Variants in RAD54B observed in about 807,000 individuals in gnomAD.
RAD54B encodes the protein DNA repair and recombination protein RAD54B.
In RAD54B, 78 loss-of-function variants were observed where a neutral mutation model predicts 95.8. That is an observed-to-expected ratio of 0.81 (90% CI 0.68 to 0.98). The LOEUF (loss-of-function observed/expected upper bound fraction) is 0.98, where lower values mean the gene tolerates loss of function less well. Among genes scored for constraint, RAD54B ranks in the 50% least tolerant of loss-of-function variants. The pLI is 0.00. For synonymous variants in RAD54B, 328 were observed against 354.9 expected (o/e 0.92, Z 0.85); for missense variants, 957 against 1,056.6 (o/e 0.91, Z 1.31).
intron 3 of RAD54B, among the ~76,000 whole-genome samples, chr8:94,450,683 G>A (rs747864570): frequency 2.6e-5 from 4 of 152,050 alleles, no homozygotes; most frequent in Non-Finnish European, 5.9e-5. Flanking sequence ...AGTTCGAGAC[G>A]AACCTGGCCA....
intron 1 of RAD54B, among the ~76,000 whole-genome samples, chr8:94,469,089 G>A (rs888093079): frequency 4.1e-5 from 6 of 146,202 alleles, no homozygotes; most frequent in African/African-American, 1.3e-4. Context: ...GCCCAAGAGA[G>A]CCCATCTCTT....
chr8:94,400,596 C>T, intron 6 of RAD54B, 133 bp from the exon 7 acceptor site: 2 of 663,178 alleles, frequency 3.0e-6, no homozygotes. Context: ...TGATTTACAA[C>T]ACATCTTTTG....
Position 94,458,519 on chromosome 8 carries a change from T to A in RAD54B, c.136-83A>T, listed in dbSNP as rs983474416. 25 of 1,068,978 alleles carry A rather than the reference T, an allele frequency of 2.3e-5. No homozygotes were observed. In the Middle Eastern group the frequency reaches 9.4e-4, roughly 40 times the overall value. 66.2% of individuals were successfully genotyped at this position (1,068,978 alleles called of 1,614,324 possible). A position where few individuals can be genotyped will look rare whatever the true frequency, so the allele number is the denominator to read the frequency against. On this transcript the variant is annotated intron_variant, in intron 2 of 14. Coordinates refer to ENST00000336148, the MANE Select transcript of RAD54B (RefSeq NM_012415.3). Reference sequence around the variant, plus strand: ...TGTATTTTTACATAAAAGATTCTAATTTAAAACAGGACATACTGGTTATAT... The same window carrying A: ...TGTATTTTTACATAAAAGATTCTAAATTAAAACAGGACATACTGGTTATAT...
At chr8:94,390,762 A>G (rs1171585930) in intron 10 of RAD54B, among the ~76,000 whole-genome samples, 1 of 151,918 alleles carries the variant, frequency 6.6e-6, no homozygotes, top group Non-Finnish European at 1.5e-5. Flanking sequence ...TATCCAAAAT[A>G]CTTGGGAACA....
intron 5 of RAD54B, among the ~76,000 whole-genome samples, chr8:94,404,610 T>C (rs746353624): frequency 6.6e-6 from 1 of 152,202 alleles, no homozygotes; most frequent in Non-Finnish European, 1.5e-5. Context: ...TTTGCCAAGA[T>C]GCATTTGCCA....
intron 3 of RAD54B, chr8:94,429,962 GC>G: frequency 1.0e-6 from 1 of 985,212 alleles, no homozygotes; most frequent in Non-Finnish European, 1.2e-6. Context: ...AATCAAATTA[GC>G]CCTCTAATTC....
chr8:94,467,314 G>A (rs546302030), intron 2 of RAD54B, 91 bp downstream of exon 2: 63 of 1,119,528 alleles, frequency 5.6e-5, no homozygotes, highest in Non-Finnish European at 7.6e-5. Context: ...ATTCCTACAG[G>A]CAGAAAATAC....
chr8:94,434,572 A>G (rs915218965), intron 3 of RAD54B, among the ~76,000 whole-genome samples: 5 of 151,902 alleles, frequency 3.3e-5, no homozygotes, highest in Non-Finnish European at 7.4e-5. Context: ...ATTAAAAAGG[A>G]AGAGTTTGGT....
chr8:94,384,161 AATTC>A (rs1322863375), intron 11 of RAD54B, among the ~76,000 whole-genome samples: 1 of 151,832 alleles, frequency 6.6e-6, no homozygotes. Context: ...AAAAAAAAAG[AATTC>A]AAAGCAGGGT....
intron 9 of RAD54B, among the ~76,000 whole-genome samples, chr8:94,392,311 G>A (rs1811041501): frequency 2.0e-5 from 3 of 152,112 alleles, no homozygotes; most frequent in African/African-American, 7.2e-5. Flanking sequence ...ACCCAGGCTG[G>A]AGTGCAGTGG....
At chr8:94,397,251 T>C (rs1811169651) in intron 8 of RAD54B, among the ~76,000 whole-genome samples, 1 of 152,286 alleles carries the variant, frequency 6.6e-6, no homozygotes, top group African/African-American at 2.4e-5. Flanking sequence ...TATACAAACA[T>C]GTACTTTCAT....
chr8:94,451,110 C>G (rs945683744), intron 3 of RAD54B, among the ~76,000 whole-genome samples: 1 of 152,014 alleles, frequency 6.6e-6, no homozygotes. Context: ...ATGAGTACAC[C>G]TAGTGGTCAG....
At chr8:94,462,232 G>C (rs1215267040) in intron 2 of RAD54B, among the ~76,000 whole-genome samples, 1 of 152,142 alleles carries the variant, frequency 6.6e-6, no homozygotes, top group Non-Finnish European at 1.5e-5. Flanking sequence ...TTTGATCACT[G>C]ATTAAGGTGG....
intron 3 of RAD54B, chr8:94,431,549 T>C (rs1009104964): frequency 2.1e-6 from 2 of 961,812 alleles, no homozygotes; most frequent in East Asian, 2.3e-4. Context: ...TGCTCTGCCA[T>C]AAATAGCTTT....
At chr8:94,445,699 A>ATT (rs112064602) in intron 3 of RAD54B, among the ~76,000 whole-genome samples, 11 of 146,652 alleles carry the variant, frequency 7.5e-5, no homozygotes, top group African/African-American at 2.5e-4. Context: ...AGGTACATTA[A>ATT]TTTTTTTTTT....
At chr8:94,457,647 T>C (rs923543243) in intron 3 of RAD54B, among the ~76,000 whole-genome samples, 1 of 152,170 alleles carries the variant, frequency 6.6e-6, no homozygotes, top group African/African-American at 2.4e-5. Flanking sequence ...AACCAAAACA[T>C]GAATAAAATG....
intron 3 of RAD54B, among the ~76,000 whole-genome samples, chr8:94,454,151 TA>T (rs34049102): frequency 0.11 from 15,711 of 143,846 alleles, 1,509 homozygotes; most frequent in African/African-American, 0.25. Context: ...CATTACCTTT[TA>T]AAAAAAAAAA....
At chr8:94,377,714 C>T (rs982388704) in intron 14 of RAD54B, among the ~76,000 whole-genome samples, 2 of 151,666 alleles carry the variant, frequency 1.3e-5, no homozygotes, top group Non-Finnish European at 2.9e-5. Flanking sequence ...CGGTGGCTCA[C>T]GCCTGTAATC....
chr8:94,374,121 C>T (rs1401720606), intron 14 of RAD54B, among the ~76,000 whole-genome samples: 4 of 151,914 alleles, frequency 2.6e-5, no homozygotes, highest in Admixed American at 1.3e-4. Flanking sequence ...CTACTAAAAA[C>T]ACAAAAAATT....
Sources: gnomAD v4.1 joint callset for allele counts (sites outside exome capture counted in the v4.1 genomes callset) on GRCh38, gnomAD v4.1.1 for gene constraint, MANE v1.5 for transcripts, NCBI Gene and HGNC (gene_info 2026-07-23, HGNC 2026-07-21) for gene names.